The following DPY19L2 variants were observed in gnomAD, a reference collection of about 807,000 sequenced individuals.
The protein encoded by DPY19L2 is probable C-mannosyltransferase DPY19L2.
In DPY19L2, 34 loss-of-function variants were observed where a neutral mutation model predicts 97.9. The observed-to-expected ratio is 0.35, with a 90% confidence interval of 0.26 to 0.46. The LOEUF (loss-of-function observed/expected upper bound fraction) is 0.46. DPY19L2 is among the 20% of genes least tolerant of loss of function. DPY19L2 has a pLI of 1.00. For synonymous variants in DPY19L2, 230 were observed against 307.9 expected (o/e 0.75, Z 2.65); for missense variants, 623 against 911.4 (o/e 0.68, Z 4.07).
rs755519442 is a variant in DPY19L2, at chr12:63,663,765, G to C, written c.443C>G (p.Thr148Ser). Reference protein sequence around the residue: ...SSLEREMTFRTEMGLYYSYFK... With the variant: ...SSLEREMTFRSEMGLYYSYFK... ...TAGAAGAAGAAACCTAACCATTTCAGTGCGAAAAGTCATCTCCCGTTCCAA... is the reference window on the plus strand; with the variant it reads ...TAGAAGAAGAAACCTAACCATTTCACTGCGAAAAGTCATCTCCCGTTCCAA... Residue 148 changes from threonine to serine, a missense_variant, in exon 3 of 22, where the codon ACT (threonine) becomes AGT (serine). Coordinates refer to ENST00000324472, the MANE Select transcript of DPY19L2 (RefSeq NM_173812.5). The C allele has an allele frequency of 1.2e-6, 2 of 1,601,518 alleles. No homozygotes were observed. Among genetic ancestry groups the C allele is most frequent in the Non-Finnish European group, 8.5e-7 (1 of 1,176,660 alleles).
At chr12:63,651,058 A>G (rs1565841409) in intron 4 of DPY19L2, among the ~76,000 whole-genome samples, 1 of 152,182 alleles carries the variant, frequency 6.6e-6, no homozygotes, top group African/African-American at 2.4e-5. Flanking sequence ...AAACACACAC[A>G]TAGACCAATG....
intron 21 of DPY19L2, among the ~76,000 whole-genome samples, chr12:63,564,345 T>C (rs1189661419): frequency 6.6e-6 from 1 of 152,128 alleles, no homozygotes; most frequent in Non-Finnish European, 1.5e-5. Context: ...AGGCCTTTCT[T>C]CTTTTTCTAT....
chr12:63,596,768 T>C (rs1884315792), intron 14 of DPY19L2, among the ~76,000 whole-genome samples: 1 of 152,148 alleles, frequency 6.6e-6, no homozygotes, highest in African/African-American at 2.4e-5. Context: ...TTATGTCCTA[T>C]GAAGAAAATT....
intron 7 of DPY19L2, among the ~76,000 whole-genome samples, chr12:63,625,881 G>A (rs1236715662): frequency 6.6e-6 from 1 of 150,726 alleles, no homozygotes; most frequent in East Asian, 1.9e-4. Flanking sequence ...AATCTGTTAA[G>A]AGGGCAGATC....
intron 4 of DPY19L2, among the ~76,000 whole-genome samples, chr12:63,658,273 T>C (rs1895223207): frequency 1.3e-5 from 2 of 152,126 alleles, no homozygotes; most frequent in Non-Finnish European, 2.9e-5. Context: ...GGCAGGAGGA[T>C]CACTGGAGGC....
At position 63,626,699 on chromosome 12, in the gene DPY19L2, A is replaced by G. The variant is rs112608916; in HGVS notation, c.804-173T>C. On this transcript the variant is annotated intron_variant, in intron 6 of 21. Transcript: ENST00000324472. ...GTTTAAATCCTGAATGTATAATTCTAAAAAGTGTACGTATAAATTAATCTC... is the reference window on the plus strand; with the variant it reads ...GTTTAAATCCTGAATGTATAATTCTGAAAAGTGTACGTATAAATTAATCTC... Among the ~76,000 whole-genome samples the G allele has an allele frequency of 9.9e-3, 1,510 of 152,290 alleles. 18 individuals carry two copies. The highest frequency in any genetic ancestry group is 0.034 in the African/African-American group (1,415 of 41,554).
intron 4 of DPY19L2, among the ~76,000 whole-genome samples, chr12:63,659,088 G>A (rs892230315): frequency 6.6e-6 from 1 of 151,798 alleles, no homozygotes; most frequent in Non-Finnish European, 1.5e-5. Context: ...AAACATTTAG[G>A]GTATATCTAC....
rs1262834821 is a variant in DPY19L2 at position 63,566,475 on chromosome 12, C to A, written c.2126+2749G>T. Among the ~76,000 whole-genome samples, 3 of 152,026 alleles carry A rather than the reference C, an allele frequency of 2.0e-5. No individual in the cohort carries two copies. The South Asian group carries it at 6.2e-4, about 32-fold the overall frequency. Reference sequence around the variant, plus strand: ...CCACATTCCCACCCCACCCTAACCCCTCGCAACCACAAATCATCCATATCT... The same window carrying A: ...CCACATTCCCACCCCACCCTAACCCATCGCAACCACAAATCATCCATATCT... On this transcript the variant is annotated intron_variant, in intron 21 of 21. Coordinates refer to ENST00000324472, the MANE Select transcript of DPY19L2 (RefSeq NM_173812.5).
intron 11 of DPY19L2, among the ~76,000 whole-genome samples, chr12:63,614,073 C>T (rs1383903919): frequency 2.0e-5 from 3 of 151,332 alleles, no homozygotes; most frequent in African/African-American, 7.3e-5. Context: ...GCCTGTAATC[C>T]CAGCTACATG....
intron 6 of DPY19L2, among the ~76,000 whole-genome samples, chr12:63,640,838 A>C (rs1195400446): frequency 6.6e-6 from 1 of 152,198 alleles, no homozygotes; most frequent in Non-Finnish European, 1.5e-5. Context: ...AAAACAAAAA[A>C]GATAAGAAAT....
At chr12:63,594,206 T>C in intron 15 of DPY19L2, 73 bp from the exon 16 acceptor site, 2 of 1,118,912 alleles carry the variant, frequency 1.8e-6, no homozygotes, top group Non-Finnish European at 1.3e-6. Flanking sequence ...GATTCATTAA[T>C]ATAAACACTC....
At chr12:63,607,650 G>A (rs1886282276) in intron 12 of DPY19L2, among the ~76,000 whole-genome samples, 1 of 152,136 alleles carries the variant, frequency 6.6e-6, no homozygotes, top group Admixed American at 6.5e-5. Context: ...TATATAACAT[G>A]TAAAGATACA....
intron 4 of DPY19L2, among the ~76,000 whole-genome samples, chr12:63,657,333 C>T (rs1895098335): frequency 6.6e-6 from 1 of 152,066 alleles, no homozygotes; most frequent in African/African-American, 2.4e-5. Context: ...TTGGGTTTTC[C>T]TTTGTGCTGC....
chr12:63,663,831 G>A lies in DPY19L2; in HGVS notation c.377C>T (p.Thr126Ile), dbSNP rs762971724. 3.1e-6 allele frequency: 5 copies of A among 1,601,774 alleles called. No individual in the cohort carries two copies. The highest frequency in any genetic ancestry group is 4.3e-6 in the Non-Finnish European group (5 of 1,175,940). ...VAILHWLHLV[T>I]LFENDRHFSH... Reference sequence around the variant, plus strand: ...GAAATGACGATCATTTTCAAAAAGTGTTACTAAATGTAACCTAGAAAAAAA... The same window carrying A: ...GAAATGACGATCATTTTCAAAAAGTATTACTAAATGTAACCTAGAAAAAAA... The change falls in exon 3 of 22, where the codon ACA (threonine) becomes ATA (isoleucine). Residue 126 changes from threonine to isoleucine, a missense_variant. Physicochemically the swap from Thr to Ile is moderately conservative, Grantham distance 89. This residue lies in a region of DPY19L2 where 84 missense variants were observed against 125.4 expected (regional missense o/e 0.67). Coordinates refer to ENST00000324472, the MANE Select transcript of DPY19L2 (RefSeq NM_173812.5).
intron 19 of DPY19L2, among the ~76,000 whole-genome samples, chr12:63,575,866 A>G (rs561478780): frequency 6.6e-6 from 1 of 152,098 alleles, no homozygotes; most frequent in East Asian, 1.9e-4. Flanking sequence ...TCAAACATTT[A>G]AAGAAGAACT....
chr12:63,559,606 A>G lies in DPY19L2; in HGVS notation c.*906T>C, dbSNP rs1430277006. The G allele has an allele frequency of 1.3e-5, 2 of 152,504 alleles. No individual in the cohort carries two copies. The highest frequency in any genetic ancestry group is 4.8e-5 in the African/African-American group (2 of 41,458). The allele number at this position is 152,504 out of a possible 1,614,324, so 9.4% of individuals were successfully genotyped here. A position where few individuals can be genotyped will look rare whatever the true frequency, so the allele number is the denominator to read the frequency against. On this transcript the variant is annotated 3_prime_UTR_variant, in exon 22 of 22. Coordinates refer to ENST00000324472, the MANE Select transcript of DPY19L2 (RefSeq NM_173812.5). ...TTAAAAATATATTATTTAAGAAGAT[A>G]GTGGCCAGAAATAAAGACCATGACC...
At chr12:63,636,789 C>T (rs1213000723) in intron 6 of DPY19L2, among the ~76,000 whole-genome samples, 1 of 152,018 alleles carries the variant, frequency 6.6e-6, no homozygotes, top group African/African-American at 2.4e-5. Context: ...ATAAAGCAAG[C>T]CCTTAGAGAC....
chr12:63,577,636 G>A (rs566571728), intron 19 of DPY19L2, among the ~76,000 whole-genome samples: 12 of 152,082 alleles, frequency 7.9e-5, no homozygotes, highest in South Asian at 2.1e-4. Context: ...GACATTTCTC[G>A]AAAGAAAACA....
rs1002386092 is a variant in DPY19L2 at position 63,559,938 on chromosome 12, C to A, written c.*574G>T. The A allele has an allele frequency of 6.6e-6, 1 of 151,956 alleles. No individual in the cohort carries two copies. The highest frequency in any genetic ancestry group is 2.4e-5 in the African/African-American group (1 of 41,372). 9.4% of individuals were successfully genotyped at this position (151,956 alleles called of 1,614,324 possible). A position where few individuals can be genotyped will look rare whatever the true frequency, so the allele number is the denominator to read the frequency against. On this transcript the variant is annotated 3_prime_UTR_variant, in exon 22 of 22. Transcript: ENST00000324472. ...ACAAAACAAAGTGTTTTTAAAAACA[C>A]TTCAACTTGAAATTATTAAAAAAAA...
Sources: gnomAD v4.1 joint callset for allele counts (sites outside exome capture counted in the v4.1 genomes callset) on GRCh38, gnomAD v4.1.1 for gene constraint, gnomAD v4.1.1 regional missense constraint, MANE v1.5 for transcripts, NCBI Gene and HGNC (gene_info 2026-07-23, HGNC 2026-07-21) for gene names.